Variants in MDM4 observed in about 807,000 individuals in gnomAD.
The protein encoded by MDM4 is MDM4 regulator of p53.
MDM4 carries 2 observed loss-of-function variants against 60.2 expected under a neutral mutation model. That is an observed-to-expected ratio of 0.03 (90% CI 0.01 to 0.10). The LOEUF is 0.10. MDM4 is among the 10% of genes least tolerant of loss of function. The pLI is 1.00. For synonymous variants in MDM4, 202 were observed against 198.1 expected, an observed-to-expected ratio of 1.02 and a Z score of -0.17; for missense variants, 447 against 577.5, an observed-to-expected ratio of 0.77 and a Z score of 2.32.
chr1:204,528,980 C>T, intron 3 of MDM4: 1 of 1,540,000 alleles, frequency 6.5e-7, no homozygotes, highest in Non-Finnish European at 9.0e-7. Context: ...AGCAATCAAG[C>T]TGTCTGGCAG....
At chr1:204,539,856 A>G (rs1221352767) in intron 7 of MDM4, among the ~76,000 whole-genome samples, 1 of 151,974 alleles carries the variant, frequency 6.6e-6, no homozygotes, top group African/African-American at 2.4e-5. Flanking sequence ...TTCACATGAC[A>G]CCACAAGTAG....
chr1:204,518,942 G>A (rs1659273441), intron 1 of MDM4, among the ~76,000 whole-genome samples: 2 of 152,184 alleles, frequency 1.3e-5, no homozygotes, highest in South Asian at 2.1e-4. Flanking sequence ...GATTACAGGT[G>A]TGAGCCACTG....
intron 3 of MDM4, among the ~76,000 whole-genome samples, chr1:204,530,438 A>G (rs886894712): frequency 2.6e-5 from 4 of 152,172 alleles, no homozygotes; most frequent in African/African-American, 9.7e-5. Context: ...GCTTTTTCTC[A>G]TTGTCAGATC....
At chr1:204,547,930 C>G (rs1454627437) in intron 10 of MDM4, among the ~76,000 whole-genome samples, 1 of 152,202 alleles carries the variant, frequency 6.6e-6, no homozygotes, top group Non-Finnish European at 1.5e-5. Context: ...CCATGTTGGT[C>G]AGGCTGGTCT....
rs1161279887 is a variant in MDM4 at position 204,538,272 on chromosome 1, C to T, written c.475C>T (p.Pro159Ser). ...TACAGAAGACGATATCCCCACACTG[C>T]CTACCTCAGAGCATAAATGCATACA... ...RTTEDDIPTL[P>S]TSEHKCIHSR... Residue 159 changes from proline to serine, a missense_variant, in exon 7 of 11, where the codon CCT becomes TCT. Physicochemically the swap from Pro to Ser is moderately conservative, Grantham distance 74 (BLOSUM62 -1). Coordinates refer to ENST00000367182, the MANE Select transcript of MDM4 (RefSeq NM_002393.5). 3.1e-6 allele frequency: 5 copies of T among 1,607,982 alleles called. No homozygotes were observed. The South Asian group carries it at 4.4e-5, about 14-fold the overall frequency.
At chr1:204,529,186 A>G (rs759283911) in intron 3 of MDM4, 7 of 788,476 alleles carry the variant, frequency 8.9e-6, no homozygotes, top group Non-Finnish European at 1.5e-5. Context: ...GTAGACATTT[A>G]TGTGGCCTGA....
At chr1:204,524,774 CAAAA>C (rs1264580679) in intron 1 of MDM4, among the ~76,000 whole-genome samples, 1 of 152,178 alleles carries the variant, frequency 6.6e-6, no homozygotes, top group Non-Finnish European at 1.5e-5. Context: ...GACTGTGTCT[CAAAA>C]TAAATAAATA....
chr1:204,547,066 T>C (rs1463069109), intron 10 of MDM4, among the ~76,000 whole-genome samples, 189 bp downstream of exon 10: 1 of 152,206 alleles, frequency 6.6e-6, no homozygotes, highest in Non-Finnish European at 1.5e-5. Context: ...GGGAAGGGGA[T>C]AATTTGATCT....
chr1:204,554,755 C>G lies in MDM4; in HGVS notation c.*5073C>G, dbSNP rs1464066287. On this transcript the variant is annotated 3_prime_UTR_variant, in exon 11 of 11. Coordinates refer to ENST00000367182, the MANE Select transcript of MDM4 (RefSeq NM_002393.5). ...TCCTGATTGCTTTGAGAAGTACTTT[C>G]TTTTGACAGAAATTTTCATTCTGCT... 1 of 226,838 alleles carries G rather than the reference C, an allele frequency of 4.4e-6. No homozygotes were observed. The highest frequency in any genetic ancestry group is 2.2e-5 in the African/African-American group (1 of 44,994). 14.1% of individuals were successfully genotyped at this position (226,838 alleles called of 1,614,324 possible). A position where few individuals can be genotyped will look rare whatever the true frequency, so the allele number is the denominator to read the frequency against.
chr1:204,533,787 T>C (rs1661108586), intron 5 of MDM4, among the ~76,000 whole-genome samples: 1 of 151,084 alleles, frequency 6.6e-6, no homozygotes, highest in African/African-American at 2.4e-5. Flanking sequence ...TTTTTCTTTT[T>C]TTTTTTTTTT....
chr1:204,529,105 A>C (rs1393123733), intron 3 of MDM4: 2 of 1,304,010 alleles, frequency 1.5e-6, no homozygotes, highest in Admixed American at 3.8e-5. Context: ...ATGGAGCCTG[A>C]GTTGTCCCAG....
At chr1:204,546,235 T>C (rs556465462) in intron 9 of MDM4, among the ~76,000 whole-genome samples, 3 of 152,170 alleles carry the variant, frequency 2.0e-5, no homozygotes, top group Non-Finnish European at 4.4e-5. Context: ...CAAGCTCTTA[T>C]TCTGTCACCC....
In MDM4 at chr1:204,530,719, G is replaced by A. The variant is rs141432826; in HGVS notation, c.189G>A (p.Lys63=). 1 of 1,614,166 alleles carries A rather than the reference G, an allele frequency of 6.2e-7. No individual in the cohort carries two copies. Among genetic ancestry groups the A allele is most frequent in the Non-Finnish European group, 8.5e-7 (1 of 1,180,028 alleles). The change falls in exon 4 of 11, where the codon AAG becomes AAA. Residue 63 remains lysine (K), a synonymous_variant. Coordinates refer to ENST00000367182, the MANE Select transcript of MDM4 (RefSeq NM_002393.5). The stretch of plus-strand genomic sequence containing the variant: ...ATTTAGGTCAGTACATAATGGTGAA[G>A]CAACTTTATGATCAGCAGGAGCAGC... The part of the protein sequence containing the change: ...MHYLGQYIMV[K]QLYDQQEQHM...
intron 1 of MDM4, among the ~76,000 whole-genome samples, chr1:204,521,946 G>C (rs577926200): frequency 2.3e-4 from 35 of 152,132 alleles, no homozygotes; most frequent in Non-Finnish European, 4.7e-4. Flanking sequence ...CAAGCGGTTG[G>C]GAGTTTTAGT....
At position 204,555,928 on chromosome 1, in the gene MDM4, T is replaced by G. The variant is rs1042720598; in HGVS notation, c.*6246T>G. 1.9e-4 allele frequency: 14 copies of G among 73,230 alleles called. No individual in the cohort carries two copies. The highest frequency in any genetic ancestry group is 3.8e-4 in the Non-Finnish European group (12 of 31,474). The allele number at this position is 73,230 out of a possible 1,614,324, so 4.5% of individuals were successfully genotyped here. Reference sequence around the variant, plus strand: ...CTAATTTCTTATCTGAAGGCACTGTTTTTTTTTTTAAACAGTTAAGTACTG... The same window carrying G: ...CTAATTTCTTATCTGAAGGCACTGTGTTTTTTTTTAAACAGTTAAGTACTG... On this transcript the variant is annotated 3_prime_UTR_variant, in exon 11 of 11. Transcript: ENST00000367182.
Position 204,542,930 on chromosome 1 carries a change from T to G in MDM4, c.658T>G (p.Leu220Val), listed in dbSNP as rs376011037. ...YTPRSNGSTD[L>V]QTNQDVGTAI... Reference sequence around the variant, plus strand: ...ACCTAGAAGTAATGGCTCAACTGATTTACAGACAAATCAGGTAAATTTCAC... The same window carrying G: ...ACCTAGAAGTAATGGCTCAACTGATGTACAGACAAATCAGGTAAATTTCAC... The change falls in exon 8 of 11, where the codon TTA becomes GTA. Residue 220 changes from leucine (L) to valine (V), a missense_variant. This residue lies in a region of MDM4 where 184 missense variants were observed against 179.3 expected (regional missense o/e 1.03). Transcript: ENST00000367182. 5 of 1,606,156 alleles carry G rather than the reference T, an allele frequency of 3.1e-6. No homozygotes were observed. Among genetic ancestry groups the G allele is most frequent in the African/African-American group, 2.7e-5 (2 of 74,606 alleles).
At chr1:204,537,366 T>C (rs2102390640) in intron 5 of MDM4, 64 bp from the exon 6 acceptor site, 2 of 1,337,822 alleles carry the variant, frequency 1.5e-6, no homozygotes, top group Non-Finnish European at 2.1e-6. Flanking sequence ...GCTGAGGTCC[T>C]TTTTGTGTGG....
In MDM4 at chr1:204,553,477, C is replaced by T. The variant is rs910765000; in HGVS notation, c.*3795C>T. On this transcript the variant is annotated 3_prime_UTR_variant, in exon 11 of 11. Transcript: ENST00000367182. ...TCATTTGGATGTTAAATTATATGGT[C>T]ACCTAGTTATAGGTAAGCCTTGTTC... 1.3e-5 allele frequency: 3 copies of T among 226,228 alleles called. No individual in the cohort carries two copies. The highest frequency in any genetic ancestry group is 6.7e-5 in the African/African-American group (3 of 44,988). 14.0% of individuals were successfully genotyped at this position (226,228 alleles called of 1,614,324 possible).
At chr1:204,544,864 A>T (rs1662492544) in intron 9 of MDM4, among the ~76,000 whole-genome samples, 180 bp downstream of exon 9, 1 of 152,150 alleles carries the variant, frequency 6.6e-6, no homozygotes, top group Non-Finnish European at 1.5e-5. Context: ...GCTGCCTTAA[A>T]AGCCCCTACT....
Sources: gnomAD v4.1 joint callset for allele counts (sites outside exome capture counted in the v4.1 genomes callset) on GRCh38, gnomAD v4.1.1 for gene constraint, gnomAD v4.1.1 regional missense constraint, MANE v1.5 for transcripts, NCBI Gene and HGNC (gene_info 2026-07-23, HGNC 2026-07-21) for gene names.